Variants in TTC12 observed in about 807,000 individuals in gnomAD.
The protein encoded by TTC12 is tetratricopeptide repeat protein 12.
TTC12 carries 70 observed loss-of-function variants against 90.1 expected under a neutral mutation model. The observed-to-expected ratio is 0.78, with a 90% CI of 0.64 to 0.95. TTC12 has a LOEUF of 0.95. Among genes scored for constraint, TTC12 ranks in the 40% least tolerant of loss-of-function variants. The pLI is 0.00. For missense variants in TTC12, 819 were observed against 846.1 expected, an observed-to-expected ratio of 0.97 and a Z score of 0.40; for synonymous variants, 296 against 311.5, an observed-to-expected ratio of 0.95 and a Z score of 0.53.
At chr11:113,370,944 G>T (rs548705286), downstream of TTC12, among the ~76,000 whole-genome samples, 1 of 152,050 alleles carries the variant, frequency 6.6e-6, no homozygotes, top group East Asian at 1.9e-4. Context: ...ACTCCCCTCG[G>T]GCAACAAGCA....
downstream of TTC12, among the ~76,000 whole-genome samples, chr11:113,367,406 G>A (rs1207932903): frequency 6.6e-6 from 1 of 152,174 alleles, no homozygotes. Context: ...ATGAAGTTTT[G>A]GAGGTGAAGG....
intron 16 of TTC12, among the ~76,000 whole-genome samples, chr11:113,358,250 C>T (rs191744300): frequency 6.6e-6 from 1 of 152,308 alleles, no homozygotes; most frequent in East Asian, 1.9e-4. Flanking sequence ...CTCCCGTGCT[C>T]TGGCAGGGCA....
intron 8 of TTC12, among the ~76,000 whole-genome samples, chr11:113,336,326 G>T (rs1948368619): frequency 6.6e-6 from 1 of 152,028 alleles, no homozygotes; most frequent in South Asian, 2.1e-4. Context: ...TCCACTCCTT[G>T]TATTGCCTTT....
At chr11:113,326,413 G>A (rs1555141076) in intron 6 of TTC12, among the ~76,000 whole-genome samples, 1 of 152,114 alleles carries the variant, frequency 6.6e-6, no homozygotes, top group Non-Finnish European at 1.5e-5. Context: ...TTACCCCATG[G>A]TCAGAATATG....
At chr11:113,330,957 C>T (rs1365924649) in intron 7 of TTC12, among the ~76,000 whole-genome samples, 1 of 152,162 alleles carries the variant, frequency 6.6e-6, no homozygotes, top group Admixed American at 6.5e-5. Flanking sequence ...CTACCCTAGC[C>T]TAATGAGTAT....
chr11:113,360,480 C>G (rs1026328333), intron 18 of TTC12, among the ~76,000 whole-genome samples: 5 of 151,990 alleles, frequency 3.3e-5, no homozygotes, highest in Non-Finnish European at 7.4e-5. Flanking sequence ...TAGTTTTACC[C>G]TCTTTTTAAA....
intron 2 of TTC12, 51 bp from the exon 3 acceptor site, chr11:113,323,237 G>A: frequency 2.2e-6 from 3 of 1,391,524 alleles, no homozygotes; most frequent in Non-Finnish European, 2.9e-6. Context: ...CTAGTGAATA[G>A]AGTCTTTTGA....
rs144105143 is a variant in TTC12 at position 113,361,021 on chromosome 11, G to C, written c.1614+1013G>C. Among the ~76,000 whole-genome samples, 1,075 of 152,288 alleles carry C rather than the reference G, an allele frequency of 7.1e-3. 9 individuals are homozygous for C. The highest frequency in any genetic ancestry group is 0.024 in the African/African-American group (1,001 of 41,572). ...ACACTAGTGCCTGAGTAAACCTTTAGGAGAGCTCTTGGGCCAGATTTCCCC... is the reference window on the plus strand; with the variant it reads ...ACACTAGTGCCTGAGTAAACCTTTACGAGAGCTCTTGGGCCAGATTTCCCC... On this transcript the variant is annotated intron_variant, in intron 18 of 21. Coordinates refer to ENST00000529221, the MANE Select transcript of TTC12 (RefSeq NM_017868.4).
chr11:113,341,144 C>A (rs1303843221), intron 11 of TTC12, among the ~76,000 whole-genome samples: 2 of 152,124 alleles, frequency 1.3e-5, no homozygotes, highest in Admixed American at 1.3e-4. Context: ...GCACGAGAAT[C>A]GCTTGAATCT....
At chr11:113,363,776 A>G in intron 19 of TTC12, 52 bp from the exon 20 acceptor site, 1 of 1,309,078 alleles carries the variant, frequency 7.6e-7, no homozygotes, top group South Asian at 1.2e-5. Flanking sequence ...GTTTGTGGTC[A>G]AGAGCAATCA....
At chr11:113,361,354 A>C (rs1182852619) in intron 18 of TTC12, among the ~76,000 whole-genome samples, 2 of 152,260 alleles carry the variant, frequency 1.3e-5, no homozygotes, top group African/African-American at 4.8e-5. Context: ...ACCAATAGGT[A>C]AGTAATTTTA....
intron 16 of TTC12, among the ~76,000 whole-genome samples, chr11:113,357,590 C>G (rs1382475229): frequency 5.9e-5 from 9 of 152,068 alleles, no homozygotes; most frequent in Non-Finnish European, 1.3e-4. Context: ...GATTGCTGAC[C>G]TTTGGATAAA....
At chr11:113,360,565 G>A (rs1303963386) in intron 18 of TTC12, among the ~76,000 whole-genome samples, 3 of 152,132 alleles carry the variant, frequency 2.0e-5, no homozygotes, top group African/African-American at 7.2e-5. Flanking sequence ...CTATATGTTA[G>A]CACAGTGCAT....
intron 12 of TTC12, among the ~76,000 whole-genome samples, chr11:113,343,437 A>G: frequency 6.6e-6 from 1 of 152,242 alleles, no homozygotes; most frequent in East Asian, 1.9e-4. Flanking sequence ...AATGTTTGCA[A>G]CGAAAACATG....
chr11:113,329,066 A>G (rs868966908), intron 6 of TTC12, among the ~76,000 whole-genome samples: 2 of 152,226 alleles, frequency 1.3e-5, no homozygotes, highest in African/African-American at 2.4e-5. Flanking sequence ...CCTTTTGACT[A>G]TCATGAATAA....
chr11:113,316,525 C>A (rs1228317630), intron 2 of TTC12, among the ~76,000 whole-genome samples: 5 of 152,218 alleles, frequency 3.3e-5, no homozygotes, highest in African/African-American at 4.8e-5. Context: ...TGTTAACATT[C>A]TGATAGGAAT....
At chr11:113,325,699 A>T in intron 6 of TTC12, 54 bp downstream of exon 6, 1 of 1,599,506 alleles carries the variant, frequency 6.3e-7, no homozygotes. Flanking sequence ...AGTTGCCACT[A>T]AACTTGGGAA....
downstream of TTC12, among the ~76,000 whole-genome samples, chr11:113,366,823 T>C (rs1950234227): frequency 6.6e-6 from 1 of 152,028 alleles, no homozygotes; most frequent in South Asian, 2.1e-4. Flanking sequence ...GTGGGGTGAG[T>C]GGTAGGTGGT....
Position 113,352,162 on chromosome 11 carries a change from C to G in TTC12, c.1401C>G (p.His467Gln). ...NLSAEPTTRR[H>Q]MAACEEFGDG... ...GTGCTGAGCCCACTACCCGAAGACA[C>G]ATGGCGGCCTGTGAGGAATTTGGGG... The change falls in exon 16 of 22, where the codon CAC becomes CAG. Residue 467 changes from histidine to glutamine, a missense_variant. By Grantham distance (24) the His-to-Gln change is conservative. Transcript: ENST00000529221. 2 of 1,614,262 alleles carry G rather than the reference C, an allele frequency of 1.2e-6. No homozygotes were observed. The highest frequency in any genetic ancestry group is 1.7e-6 in the Non-Finnish European group (2 of 1,180,044).
Sources: allele counts gnomAD v4.1 joint callset (sites outside exome capture counted in the v4.1 genomes callset), GRCh38; gene constraint gnomAD v4.1.1; transcripts MANE v1.5; gene names NCBI Gene and HGNC (gene_info 2026-07-23, HGNC 2026-07-21).